The following HHATL variants were observed in gnomAD, a reference collection of about 807,000 sequenced individuals.
The protein encoded by HHATL is hedgehog acyltransferase like, also known as protein-cysteine N-palmitoyltransferase HHAT-like protein.
Under a neutral mutation model 59.7 loss-of-function variants are expected in HHATL, and 49 were observed. The ratio of observed to expected loss-of-function variants is 0.82; its 90% confidence interval spans 0.65 to 1.04. HHATL has a LOEUF of 1.04. Ranked by LOEUF, HHATL falls within the 50% of genes least tolerant of loss-of-function variation. The pLI is 0.00. For synonymous variants in HHATL, 238 were observed against 257.3 expected (o/e 0.93, Z 0.72); for missense variants, 605 against 650.8 (o/e 0.93, Z 0.77).
At chr3:42,698,923 T>C in intron 4 of HHATL, 21 bp from the exon 5 acceptor site, 2 of 1,603,810 alleles carry the variant, frequency 1.2e-6, no homozygotes, top group East Asian at 4.5e-5. Context: ...GGAGAAGGCT[T>C]CAGTTTCGCC....
In HHATL at chr3:42,694,123, T is replaced by G. The variant is rs1226839918; in HGVS notation, c.1047-305A>C. ...GTGTCTTTAGCCCAGTCTCTCCTGA[T>G]TTGTATATGCAATTGCTACTAGCCA... On this transcript the variant is annotated intron_variant, in intron 9 of 11. Coordinates refer to ENST00000441594, the MANE Select transcript of HHATL (RefSeq NM_020707.4). 2.2e-5 allele frequency: 9 copies of G among 411,810 alleles called. No individual in the cohort carries two copies. The Admixed American group carries it at 2.3e-4, about 10-fold the overall frequency. 25.5% of individuals were successfully genotyped at this position (411,810 alleles called of 1,614,324 possible). A position where few individuals can be genotyped will look rare whatever the true frequency, so the allele number is the denominator to read the frequency against.
At position 42,701,698 on chromosome 3, in the gene HHATL, AG is replaced by A. The variant is rs1698000440; in HGVS notation, c.-13-860del. Among the ~76,000 whole-genome samples the A allele has an allele frequency of 6.6e-6, 1 of 152,192 alleles. No individual in the cohort carries two copies. Among genetic ancestry groups the A allele is most frequent in the South Asian group, 2.1e-4 (1 of 4,834 alleles). ...AGCGGGGGCCTAGCTTGTCCCCTGG[AG>A]AACTGCTGGGCCGTACTACGGCTCA... On this transcript the variant is annotated intron_variant, in intron 1 of 11. Transcript: ENST00000441594. This position sits in a 1 kb window ranked among gnomAD's most constrained non-coding sequence, Gnocchi z 5.1.
intron 2 of HHATL, 108 bp downstream of exon 2, chr3:42,700,613 G>T: frequency 1.5e-6 from 1 of 665,842 alleles, no homozygotes; most frequent in South Asian, 2.0e-5. Context: ...GTTCTAGAAG[G>T]AGTACCCTAG....
chr3:42,699,857 G>A (rs1266363123), intron 2 of HHATL, 32 bp from the exon 3 acceptor site: 4 of 1,527,988 alleles, frequency 2.6e-6, no homozygotes, highest in Admixed American at 2.0e-5. Context: ...AGGGAGAGGG[G>A]CCTTCACATC....
At chr3:42,696,721 C>A in intron 9 of HHATL, 121 bp downstream of exon 9, 1 of 1,058,320 alleles carries the variant, frequency 9.4e-7, no homozygotes. Flanking sequence ...TACCTCCTCA[C>A]TGCCCTCTTT....
intron 9 of HHATL, among the ~76,000 whole-genome samples, chr3:42,695,929 TCTC>T (rs1489633221): frequency 6.6e-6 from 1 of 152,096 alleles, no homozygotes; most frequent in Non-Finnish European, 1.5e-5. Context: ...TGTCCCATTC[TCTC>T]CTATCTTTAA....
chr3:42,692,726 A>G lies in HHATL; in HGVS notation c.*25T>C. On this transcript the variant is annotated 3_prime_UTR_variant, in exon 12 of 12. Transcript: ENST00000441594. ...ATCTGGCCCAAGAATAGCTGAGCAG[A>G]GCCCATCCCTCTACCCGCTCCCTCC... is the stretch of plus-strand genomic sequence containing the variant. 1 of 1,614,188 alleles carries G rather than the reference A, an allele frequency of 6.2e-7. No individual in the cohort carries two copies.
intron 5 of HHATL, 35 bp downstream of exon 5, chr3:42,698,673 A>G: frequency 6.6e-7 from 1 of 1,520,606 alleles, no homozygotes; most frequent in Non-Finnish European, 8.8e-7. Flanking sequence ...TTGGGATCTT[A>G]TCCCTACACC....
Position 42,697,062 on chromosome 3 carries a change from C to T in HHATL, c.949G>A (p.Asp317Asn), listed in dbSNP as rs763496188. The change falls in exon 8 of 12, where the codon GAC becomes AAC. Residue 317 changes from aspartate (D) to asparagine (N), a missense_variant. Transcript: ENST00000441594. The stretch of plus-strand genomic sequence containing the variant: ...GGAGGCTGGGGTGGGTCCAGGTGGT[C>T]GAGGCATGCCACAGTGTTGACAACA... ...FGVVNTVACLDHLDPPQPPKC... is the reference protein window; with the variant it reads ...FGVVNTVACLNHLDPPQPPKC... 2.1e-5 allele frequency: 33 copies of T among 1,589,018 alleles called. No individual in the cohort carries two copies. The highest frequency in any genetic ancestry group is 2.1e-4 in the Admixed American group (12 of 57,902).
chr3:42,696,970 G>C, intron 8 of HHATL, 31 bp downstream of exon 8: 2 of 1,612,910 alleles, frequency 1.2e-6, no homozygotes, highest in Non-Finnish European at 1.7e-6. Context: ...GTCCCAGGGG[G>C]TGAGCCTCCC....
rs202164691 is a variant in HHATL, at chr3:42,698,791, G to C, written c.400C>G (p.Leu134Val). ...GHCVGLYVAS[L>V]LGQPWLCLGL... ...AGACAGAGCCAGGGCTGGCCCAAAA[G>C]CGAGGCCACATAGAGGCCCACACAG... The change falls in exon 5 of 12, where the codon CTT becomes GTT. Residue 134 changes from leucine (L) to valine (V), a missense_variant. By Grantham distance (32) the Leu-to-Val change is conservative. Transcript: ENST00000441594. 9.6e-5 allele frequency: 155 copies of C among 1,613,162 alleles called. No homozygotes were observed. The highest frequency in any genetic ancestry group is 1.2e-4 in the Non-Finnish European group (140 of 1,179,766).
Position 42,693,066 on chromosome 3 carries a change from C to A in HHATL, c.1390+11G>T, listed in dbSNP as rs1266554913. On this transcript the variant is annotated intron_variant, in intron 11 of 11. Transcript: ENST00000441594. Reference sequence around the variant, plus strand: ...TGGCACCTTCTGTATCCCCACACCCCTGTCCCTCACCTGTGAGTAGCAGGC... The same window carrying A: ...TGGCACCTTCTGTATCCCCACACCCATGTCCCTCACCTGTGAGTAGCAGGC... 1 of 1,614,120 alleles carries A rather than the reference C, an allele frequency of 6.2e-7. No homozygotes were observed. The highest frequency in any genetic ancestry group is 2.2e-5 in the East Asian group (1 of 44,886).
intron 6 of HHATL, 85 bp from the exon 7 acceptor site, chr3:42,697,764 C>T: frequency 7.2e-7 from 1 of 1,382,278 alleles, no homozygotes; most frequent in Non-Finnish European, 9.9e-7. Flanking sequence ...CTACTTGGGG[C>T]AGGAGGAGCC....
At position 42,701,058 on chromosome 3, in the gene HHATL, C is replaced by T; in HGVS notation, c.-13-219G>A. On this transcript the variant is annotated intron_variant, in intron 1 of 11. Coordinates refer to ENST00000441594, the MANE Select transcript of HHATL (RefSeq NM_020707.4). This position sits in a 1 kb window ranked among gnomAD's most constrained non-coding sequence, Gnocchi z 5.1. ...CCAGCTGCTGCTCTTGCCCCCACCC[C>T]ACCCATCAAGGCTCTTGCCCGCAGA... is the stretch of plus-strand genomic sequence containing the variant. The T allele has an allele frequency of 7.5e-6, 4 of 533,958 alleles. No homozygotes were observed. The highest frequency in any genetic ancestry group is 1.0e-5 in the Non-Finnish European group (3 of 296,540). The allele number at this position is 533,958 out of a possible 1,614,324, so 33.1% of individuals were successfully genotyped here. A position where few individuals can be genotyped will look rare whatever the true frequency, so the allele number is the denominator to read the frequency against.
intron 10 of HHATL, 159 bp from the exon 11 acceptor site, chr3:42,693,377 A>T (rs1026395079): frequency 2.1e-5 from 20 of 938,718 alleles, no homozygotes; most frequent in Non-Finnish European, 2.8e-5. Flanking sequence ...AAACATGGGG[A>T]AACAGGTCCA....
intron 10 of HHATL, 157 bp from the exon 11 acceptor site, chr3:42,693,375 G>C: frequency 1.0e-6 from 1 of 954,116 alleles, no homozygotes; most frequent in South Asian, 1.6e-5. Context: ...TTAAACATGG[G>C]GAAACAGGTC....
chr3:42,697,436 C>T, intron 7 of HHATL, 72 bp downstream of exon 7: 1 of 1,521,410 alleles, frequency 6.6e-7, no homozygotes. Context: ...CTGACTGTGG[C>T]ACCGTGGGGG....
At chr3:42,693,405 G>T in intron 10 of HHATL, 187 bp from the exon 11 acceptor site, 1 of 812,660 alleles carries the variant, frequency 1.2e-6, no homozygotes, top group Non-Finnish European at 1.9e-6. Flanking sequence ...GACAAGGCCT[G>T]ACCAACATGG....
rs1371736733 is a variant in HHATL at position 42,693,102 on chromosome 3, C to G, written c.1365G>C (p.Leu455=). The G allele has an allele frequency of 6.2e-7, 1 of 1,614,184 alleles. No homozygotes were observed. The highest frequency in any genetic ancestry group is 1.1e-5 in the South Asian group (1 of 91,078). ...CTGTGAGTAGCAGGCGCCGGGCAAC[C>G]AGCTCTGTGAATTTGAGGCTGTTCA... ...VSLNSLKFTE[L]VARRLLLTGF... is the part of the protein sequence containing the mutation. Residue 455 remains leucine (L), a synonymous_variant, in exon 11 of 12, where the codon CTG becomes CTC. Transcript: ENST00000441594.
Sources: allele counts gnomAD v4.1 joint callset (sites outside exome capture counted in the v4.1 genomes callset), GRCh38; gene constraint gnomAD v4.1.1; non-coding constraint Gnocchi (gnomAD v3.1); transcripts MANE v1.5; gene names NCBI Gene and HGNC (gene_info 2026-07-23, HGNC 2026-07-21).